The following PRMT3 variants were observed in gnomAD, a reference collection of about 807,000 sequenced individuals.
PRMT3 encodes protein arginine methyltransferase 3.
In PRMT3, 62 loss-of-function variants were observed where a neutral mutation model predicts 71.9. That is an observed-to-expected ratio of 0.86 (90% CI 0.70 to 1.07). PRMT3 has a LOEUF of 1.07. Ranked by LOEUF, PRMT3 falls within the 50% of genes least tolerant of loss-of-function variation. PRMT3 has a pLI of 0.00. For missense variants in PRMT3, 663 were observed against 643.0 expected, an observed-to-expected ratio of 1.03 and a Z score of -0.34; for synonymous variants, 213 against 220.4, an observed-to-expected ratio of 0.97 and a Z score of 0.30.
intron 10 of PRMT3, among the ~76,000 whole-genome samples, chr11:20,438,955 A>T (rs1180654248): frequency 1.3e-5 from 2 of 152,096 alleles, no homozygotes; most frequent in African/African-American, 4.8e-5. Flanking sequence ...CTTTGACCCT[A>T]CGTGTAAGGG....
At chr11:20,470,399 A>C (rs765271048) in intron 13 of PRMT3, among the ~76,000 whole-genome samples, 49 of 152,052 alleles carry the variant, frequency 3.2e-4, no homozygotes, top group Middle Eastern at 3.4e-3. Context: ...TCCTCCCTCT[A>C]ACAGGCCCCA....
chr11:20,436,324 G>A (rs1214554966), intron 10 of PRMT3, among the ~76,000 whole-genome samples: 1 of 152,128 alleles, frequency 6.6e-6, no homozygotes, highest in African/African-American at 2.4e-5. Context: ...CTAGTATTAT[G>A]TTGAATAAAA....
Position 20,408,011 on chromosome 11 carries a change from AC to A in PRMT3, c.874del (p.Gln292ArgfsTer6). The A allele has an allele frequency of 6.3e-7, 1 of 1,585,612 alleles. No individual in the cohort carries two copies. Among genetic ancestry groups the A allele is most frequent in the Non-Finnish European group, 8.7e-7 (1 of 1,154,950 alleles). On this transcript the variant is annotated frameshift_variant, in exon 9 of 16. Transcript: ENST00000331079. LOFTEE classifies it high-confidence loss of function. ...GGAGTTGATCAATCTGAAATACTTT[AC>A]CAGGCAATGGATATTATAAGGTACA... Reference protein sequence around the residue: ...VLGVDQSEILYQAMDIIRLNK... With the variant: ...VLGVDQSEILXQAMDIIRLNK...
At chr11:20,485,007 T>TGG (rs1244715639) in intron 13 of PRMT3, among the ~76,000 whole-genome samples, 1 of 152,200 alleles carries the variant, frequency 6.6e-6, no homozygotes, top group African/African-American at 2.4e-5. Flanking sequence ...GTGTAGCCCT[T>TGG]TTGATATTGC....
intron 9 of PRMT3, 51 bp downstream of exon 9, chr11:20,408,083 A>G (rs1161085125): frequency 1.5e-6 from 2 of 1,316,736 alleles, no homozygotes; most frequent in African/African-American, 1.5e-5. Context: ...TTTAATGATT[A>G]TTTAATAGAT....
At chr11:20,491,348 A>G (rs1421109310) in intron 13 of PRMT3, among the ~76,000 whole-genome samples, 1 of 152,096 alleles carries the variant, frequency 6.6e-6, no homozygotes, top group Non-Finnish European at 1.5e-5. Context: ...TTCTCCTGAG[A>G]GTTGTTCAAT....
At chr11:20,500,220 A>G (rs963803558) in intron 15 of PRMT3, among the ~76,000 whole-genome samples, 2 of 152,236 alleles carry the variant, frequency 1.3e-5, no homozygotes, top group Non-Finnish European at 2.9e-5. Context: ...CAAAACTTGT[A>G]TATTTAAAAC....
intron 13 of PRMT3, among the ~76,000 whole-genome samples, chr11:20,491,013 A>G (rs1027473778): frequency 2.0e-5 from 3 of 152,112 alleles, no homozygotes; most frequent in Non-Finnish European, 2.9e-5. Context: ...CGTTAGATCT[A>G]TAGGTCTCCA....
At chr11:20,469,115 T>C (rs1216807166) in intron 13 of PRMT3, among the ~76,000 whole-genome samples, 2 of 152,364 alleles carry the variant, frequency 1.3e-5, no homozygotes, top group East Asian at 3.9e-4. Flanking sequence ...GATAAAATTG[T>C]CATTGCTTTT....
rs910933338 is a variant in PRMT3 at position 20,508,900 on chromosome 11, TAAAA to T, written c.*491_*494del. 2.7e-5 allele frequency: 5 copies of T among 186,284 alleles called. No individual in the cohort carries two copies. Among genetic ancestry groups the T allele is most frequent in the African/African-American group, 1.2e-4 (5 of 42,434 alleles). The allele number at this position is 186,284 out of a possible 1,614,324, so 11.5% of individuals were successfully genotyped here. On this transcript the variant is annotated 3_prime_UTR_variant, in exon 16 of 16. Coordinates refer to ENST00000331079, the MANE Select transcript of PRMT3 (RefSeq NM_005788.4). Reference sequence around the variant, plus strand: ...AATCAGGATGTAATAAAGATTTGTATAAAAAAACTAAAATATGGAAAAGAGCTTC... The same window carrying T: ...AATCAGGATGTAATAAAGATTTGTATAAACTAAAATATGGAAAAGAGCTTC...
At chr11:20,409,313 C>T (rs964300264) in intron 9 of PRMT3, among the ~76,000 whole-genome samples, 70 of 152,236 alleles carry the variant, frequency 4.6e-4, no homozygotes, top group African/African-American at 1.5e-3. Flanking sequence ...GTACATCTAA[C>T]GTGTTAGAAA....
intron 10 of PRMT3, among the ~76,000 whole-genome samples, chr11:20,440,489 C>A (rs138088556): frequency 4.7e-3 from 542 of 115,844 alleles, no homozygotes; most frequent in Non-Finnish European, 5.4e-3. Flanking sequence ...ACTAAAAATA[C>A]AAAAAAAAAA....
At chr11:20,505,791 C>T (rs1851577132) in intron 15 of PRMT3, among the ~76,000 whole-genome samples, 1 of 150,256 alleles carries the variant, frequency 6.7e-6, no homozygotes, top group Non-Finnish European at 1.5e-5. Flanking sequence ...TATCATTGTT[C>T]ATTAGTTATT....
intron 9 of PRMT3, among the ~76,000 whole-genome samples, chr11:20,419,594 G>A (rs764632471): frequency 2.0e-5 from 3 of 152,114 alleles, no homozygotes; most frequent in South Asian, 4.1e-4. Context: ...ATATTTTCTT[G>A]TAAGTGCTTT....
chr11:20,402,856 C>T, intron 7 of PRMT3, 63 bp from the exon 8 acceptor site: 1 of 1,310,298 alleles, frequency 7.6e-7, no homozygotes, highest in Non-Finnish European at 1.1e-6. Flanking sequence ...CAAATATCTC[C>T]CTTAAAAAAT....
At chr11:20,464,712 A>G (rs1405661314) in intron 13 of PRMT3, among the ~76,000 whole-genome samples, 166 bp downstream of exon 13, 2 of 152,208 alleles carry the variant, frequency 1.3e-5, no homozygotes, top group Non-Finnish European at 2.9e-5. Flanking sequence ...ATAGGTCAGT[A>G]AACTTCAAAA....
rs540279477 is a variant in PRMT3, at chr11:20,460,243, TTTTG to T, written c.1073-1725_1073-1722del. Among the ~76,000 whole-genome samples the T allele has an allele frequency of 4.0e-3, 604 of 152,294 alleles. 1 individual carries two copies. Among genetic ancestry groups the T allele is most frequent in the Admixed American group, 5.9e-3 (91 of 15,302 alleles). On this transcript the variant is annotated intron_variant, in intron 11 of 15. Transcript: ENST00000331079. ...CTGAAAGCTAGTTAATACTCATGGT[TTTTG>T]TTTGTTTGTTTTTGTTTTTGCTGCA...
Position 20,395,785 on chromosome 11 carries a change from GT to G in PRMT3, c.401-17del. The G allele has an allele frequency of 6.2e-7, 1 of 1,602,024 alleles. No individual in the cohort carries two copies. On this transcript the variant is annotated splice_polypyrimidine_tract_variant and intron_variant, in intron 5 of 15. Coordinates refer to ENST00000331079, the MANE Select transcript of PRMT3 (RefSeq NM_005788.4). ...TGTTATAAGATGGCCTGATAATAAT[GT>G]CCATTTATTTCTTTAGATGTAGAAG...
chr11:20,440,379 C>T (rs185641899), intron 10 of PRMT3, among the ~76,000 whole-genome samples: 6 of 151,706 alleles, frequency 4.0e-5, no homozygotes, highest in Admixed American at 2.0e-4. Context: ...GGTGTGGTGG[C>T]TCACGCCTGT....
Sources: gnomAD v4.1 joint callset for allele counts (sites outside exome capture counted in the v4.1 genomes callset) on GRCh38, gnomAD v4.1.1 for gene constraint, MANE v1.5 for transcripts, NCBI Gene and HGNC (gene_info 2026-07-23, HGNC 2026-07-21) for gene names.